Variants in MARCHF1 observed in about 807,000 individuals in gnomAD.
The protein encoded by MARCHF1 is membrane associated ring-CH-type finger 1.
In MARCHF1, 40 loss-of-function variants were observed where a neutral mutation model predicts 54.2. The ratio of observed to expected loss-of-function variants is 0.74; its 90% CI spans 0.57 to 0.96. MARCHF1 has a LOEUF of 0.96. MARCHF1 is among the 40% of genes least tolerant of loss of function. The probability of loss-of-function intolerance (pLI) is 0.00; values close to 1 mark genes in which losing one functional copy is unlikely to be tolerated. For missense variants in MARCHF1, 586 were observed against 656.5 expected (o/e 0.89, Z 1.17); for synonymous variants, 236 against 236.3 (o/e 1.00, Z 0.01).
intron 3 of MARCHF1, among the ~76,000 whole-genome samples, chr4:163,948,161 A>G (rs903791594): frequency 2.0e-5 from 3 of 152,226 alleles, no homozygotes; most frequent in African/African-American, 7.2e-5. Flanking sequence ...GGCACAAAAC[A>G]TGCATTTTAA....
intron 3 of MARCHF1, among the ~76,000 whole-genome samples, chr4:163,952,221 T>C (rs1156914216): frequency 6.6e-6 from 1 of 152,224 alleles, no homozygotes; most frequent in African/African-American, 2.4e-5. Context: ...AGATGTCATC[T>C]ATGAGAGATT....
At chr4:164,153,735 T>C (rs1333425179) in intron 1 of MARCHF1, among the ~76,000 whole-genome samples, 1 of 152,148 alleles carries the variant, frequency 6.6e-6, no homozygotes, top group Non-Finnish European at 1.5e-5. Context: ...AAAAGCTATC[T>C]CTTCTTGTGC....
chr4:163,724,956 C>G (rs542347355), intron 4 of MARCHF1, among the ~76,000 whole-genome samples: 4 of 152,120 alleles, frequency 2.6e-5, no homozygotes, highest in Non-Finnish European at 5.9e-5. Context: ...TTGCACTTCC[C>G]GGGTGAGGCA....
chr4:164,378,217 A>G (rs556116133), intron 1 of MARCHF1, among the ~76,000 whole-genome samples: 1 of 152,308 alleles, frequency 6.6e-6, no homozygotes, highest in South Asian at 2.1e-4. Context: ...AGAGACTAAG[A>G]ATACGGGCTT....
intron 1 of MARCHF1, among the ~76,000 whole-genome samples, chr4:164,174,641 A>C (rs892827004): frequency 6.6e-6 from 1 of 152,166 alleles, no homozygotes; most frequent in Admixed American, 6.5e-5. Context: ...GTTTTGATTA[A>C]GCTTATAGGG....
intron 4 of MARCHF1, among the ~76,000 whole-genome samples, chr4:163,818,399 T>G (rs1477950103): frequency 6.6e-6 from 1 of 152,148 alleles, no homozygotes; most frequent in Non-Finnish European, 1.5e-5. Flanking sequence ...AATAAGATTC[T>G]GTGCCTTGTT....
At position 163,993,024 on chromosome 4, in the gene MARCHF1, TAA is replaced by T. The variant is rs1752998144; in HGVS notation, c.-247-4317_-247-4316del. Among the ~76,000 whole-genome samples the T allele has an allele frequency of 2.6e-5, 4 of 152,106 alleles. No individual in the cohort carries two copies. The South Asian group carries it at 8.3e-4, about 32-fold the overall frequency. On this transcript the variant is annotated intron_variant, in intron 2 of 9. Transcript: ENST00000514618. ...AAGATTACTGGGAAGAACATATGGA[TAA>T]GTTATCATGGCACAAAGAATTTATG...
At chr4:164,097,532 C>G (rs1040059478) in intron 2 of MARCHF1, among the ~76,000 whole-genome samples, 6 of 152,042 alleles carry the variant, frequency 3.9e-5, no homozygotes, top group African/African-American at 1.4e-4. Context: ...GTTAAGTTTA[C>G]CTGTTACTAT....
At chr4:164,346,120 A>T (rs535106938) in intron 1 of MARCHF1, among the ~76,000 whole-genome samples, 2 of 152,132 alleles carry the variant, frequency 1.3e-5, no homozygotes, top group Non-Finnish European at 2.9e-5. Context: ...TGACCACATT[A>T]TTTCTTTGGG....
intron 4 of MARCHF1, among the ~76,000 whole-genome samples, chr4:163,792,431 T>C (rs1747796504): frequency 6.6e-6 from 1 of 152,168 alleles, no homozygotes; most frequent in African/African-American, 2.4e-5. Flanking sequence ...TACAGATAGC[T>C]CCTTATGTTC....
chr4:163,859,521 G>A (rs751495487), intron 3 of MARCHF1, among the ~76,000 whole-genome samples: 114 of 151,942 alleles, frequency 7.5e-4, no homozygotes, highest in Non-Finnish European at 1.1e-3. Context: ...CACCACACCC[G>A]GGTAATTTTT....
intron 1 of MARCHF1, among the ~76,000 whole-genome samples, chr4:164,269,249 C>T (rs571649419): frequency 6.6e-6 from 1 of 152,094 alleles, no homozygotes; most frequent in Non-Finnish European, 1.5e-5. Context: ...TTCTGCCCAC[C>T]CAGCACACTC....
At chr4:163,559,252 C>CTCAA (rs145033982) in intron 8 of MARCHF1, among the ~76,000 whole-genome samples, 9,980 of 152,142 alleles carry the variant, frequency 0.066, 522 homozygotes, top group South Asian at 0.17. Flanking sequence ...AATGTATGTC[C>CTCAA]TCTTTTAGTC....
intron 1 of MARCHF1, among the ~76,000 whole-genome samples, chr4:164,176,856 G>A (rs971553288): frequency 6.7e-6 from 1 of 149,470 alleles, no homozygotes; most frequent in Non-Finnish European, 1.5e-5. Context: ...TAACCATCAG[G>A]CCTTCTGATT....
intron 4 of MARCHF1, among the ~76,000 whole-genome samples, chr4:163,716,373 G>A (rs1175697012): frequency 6.6e-6 from 1 of 152,122 alleles, no homozygotes; most frequent in Non-Finnish European, 1.5e-5. Context: ...ATACACAAGG[G>A]TCATTTCATG....
At chr4:164,093,049 C>A (rs1443122392) in intron 2 of MARCHF1, among the ~76,000 whole-genome samples, 3 of 152,124 alleles carry the variant, frequency 2.0e-5, no homozygotes, top group South Asian at 4.1e-4. Context: ...AGATGGAATG[C>A]ATGCTAGAAC....
chr4:163,888,938 C>T (rs1560804822), intron 3 of MARCHF1, among the ~76,000 whole-genome samples: 1 of 152,068 alleles, frequency 6.6e-6, no homozygotes, highest in African/African-American at 2.4e-5. Flanking sequence ...AATACAATCC[C>T]TGTGAGTGTA....
intron 5 of MARCHF1, among the ~76,000 whole-genome samples, chr4:163,681,341 T>C (rs569813176): frequency 6.6e-6 from 1 of 152,330 alleles, no homozygotes; most frequent in Admixed American, 6.5e-5. Context: ...GGAAGCTCTT[T>C]AGGAAAACCT....
intron 1 of MARCHF1, among the ~76,000 whole-genome samples, chr4:164,305,654 T>C (rs1309164846): frequency 6.6e-6 from 1 of 152,204 alleles, no homozygotes; most frequent in African/African-American, 2.4e-5. Flanking sequence ...GCATTTAATA[T>C]TTTTACTTAC....
Sources: allele counts gnomAD v4.1 joint callset (sites outside exome capture counted in the v4.1 genomes callset), GRCh38; gene constraint gnomAD v4.1.1; transcripts MANE v1.5; gene names NCBI Gene and HGNC (gene_info 2026-07-23, HGNC 2026-07-21).